Variants in KCNC2 observed in about 807,000 individuals in gnomAD.
KCNC2 encodes the protein voltage-gated potassium channel KCNC2.
In KCNC2, 21 loss-of-function variants were observed where a neutral mutation model predicts 44.5. That is an observed-to-expected ratio of 0.47 (90% confidence interval 0.33 to 0.68). The LOEUF (loss-of-function observed/expected upper bound fraction) is 0.68. Ranked by LOEUF, KCNC2 falls within the 30% of genes least tolerant of loss-of-function variation. The probability of loss-of-function intolerance (pLI) is 0.01; values close to 1 mark genes in which losing one functional copy is unlikely to be tolerated. For synonymous variants in KCNC2, 391 were observed against 339.1 expected, an observed-to-expected ratio of 1.15 and a Z score of -1.68; for missense variants, 589 against 826.2, an observed-to-expected ratio of 0.71 and a Z score of 3.52.
intron 2 of KCNC2, among the ~76,000 whole-genome samples, chr12:75,055,296 A>G (rs1041215835): frequency 1.2e-4 from 18 of 148,796 alleles, no homozygotes; most frequent in African/African-American, 4.0e-4. Flanking sequence ...TAAGTAATAT[A>G]AATCAAACAA....
chr12:75,140,507 T>C (rs978653826), intron 2 of KCNC2, among the ~76,000 whole-genome samples: 3 of 152,182 alleles, frequency 2.0e-5, no homozygotes, highest in Non-Finnish European at 2.9e-5. Flanking sequence ...AGTTGATCAA[T>C]GTCTTCCCTC....
intron 2 of KCNC2, among the ~76,000 whole-genome samples, chr12:75,190,417 T>C (rs2030084624): frequency 6.6e-6 from 1 of 152,190 alleles, no homozygotes; most frequent in Non-Finnish European, 1.5e-5. Context: ...CAGGAGGTGA[T>C]GCTAACAATC....
intron 2 of KCNC2, among the ~76,000 whole-genome samples, chr12:75,198,781 T>C (rs573671609): frequency 6.6e-6 from 1 of 151,930 alleles, no homozygotes; most frequent in Admixed American, 6.6e-5. Flanking sequence ...ATTCTATAAT[T>C]TGCAAGCATA....
At chr12:75,130,024 T>A (rs979392305) in intron 2 of KCNC2, among the ~76,000 whole-genome samples, 1 of 152,198 alleles carries the variant, frequency 6.6e-6, no homozygotes, top group African/African-American at 2.4e-5. Context: ...ATAGTTCTTT[T>A]TCTGTTTACC....
At chr12:75,135,441 C>T (rs759383870) in intron 2 of KCNC2, among the ~76,000 whole-genome samples, 5 of 151,844 alleles carry the variant, frequency 3.3e-5, no homozygotes, top group Non-Finnish European at 7.4e-5. Flanking sequence ...ATTAATGATG[C>T]CCTTAAATTA....
chr12:75,150,724 T>C (rs1049389273), intron 2 of KCNC2, among the ~76,000 whole-genome samples: 1 of 151,946 alleles, frequency 6.6e-6, no homozygotes, highest in Non-Finnish European at 1.5e-5. Flanking sequence ...CAAGATTTTA[T>C]AGTTACATTT....
At chr12:75,072,362 A>G (rs1230087188) in intron 2 of KCNC2, among the ~76,000 whole-genome samples, 3 of 152,188 alleles carry the variant, frequency 2.0e-5, no homozygotes, top group African/African-American at 4.8e-5. Flanking sequence ...AATACAGGTT[A>G]TTCAAACTGT....
Position 75,041,134 on chromosome 12 carries a change from T to C in KCNC2, c.*1971A>G, listed in dbSNP as rs199820365. 57 of 1,596,632 alleles carry C rather than the reference T, an allele frequency of 3.6e-5. No individual in the cohort carries two copies. The highest frequency in any genetic ancestry group is 4.8e-5 in the Non-Finnish European group (56 of 1,178,752). On this transcript the variant is annotated 3_prime_UTR_variant, in exon 5 of 5. Coordinates refer to ENST00000549446, the MANE Select transcript of KCNC2 (RefSeq NM_139137.4). ...CAGCAGCAGAAGTCTGTTTCCAGTA[T>C]AGTCCTTGGTATGGCTAAATTCCAC...
At chr12:75,158,247 C>T (rs1890889726) in intron 2 of KCNC2, among the ~76,000 whole-genome samples, 1 of 151,706 alleles carries the variant, frequency 6.6e-6, no homozygotes, top group South Asian at 2.1e-4. Flanking sequence ...CTTCATAAGC[C>T]AAAAAATGTT....
At chr12:75,164,274 C>G (rs1891307880) in intron 2 of KCNC2, among the ~76,000 whole-genome samples, 1 of 151,626 alleles carries the variant, frequency 6.6e-6, no homozygotes, top group South Asian at 2.1e-4. Context: ...CATGTTCACT[C>G]TGCCAGCCTA....
At chr12:75,192,083 C>T (rs1180615644) in intron 2 of KCNC2, among the ~76,000 whole-genome samples, 6 of 152,128 alleles carry the variant, frequency 3.9e-5, no homozygotes, top group Admixed American at 3.9e-4. Flanking sequence ...ATAGTCTTTA[C>T]AGCATTTGTT....
At chr12:75,182,293 G>T (rs546299454) in intron 2 of KCNC2, among the ~76,000 whole-genome samples, 68 of 151,848 alleles carry the variant, frequency 4.5e-4, no homozygotes, top group African/African-American at 1.6e-3. Flanking sequence ...GGGAGGCCGA[G>T]GGGGGCAGAT....
chr12:75,040,897 G>T lies in KCNC2; in HGVS notation c.*2208C>A, dbSNP rs192778671. ...TTCAGAGATGTTGATCATGAATTTG[G>T]CTTCTTTTGATGAGAAATGGCCAAG... On this transcript the variant is annotated 3_prime_UTR_variant, in exon 5 of 5. Coordinates refer to ENST00000549446, the MANE Select transcript of KCNC2 (RefSeq NM_139137.4). 10 of 535,022 alleles carry T rather than the reference G, an allele frequency of 1.9e-5. No individual in the cohort carries two copies. In the Admixed American group the frequency reaches 2.8e-4, roughly 15 times the overall value. 33.1% of individuals were successfully genotyped at this position (535,022 alleles called of 1,614,324 possible). A position where few individuals can be genotyped will look rare whatever the true frequency, so the allele number is the denominator to read the frequency against.
intron 2 of KCNC2, among the ~76,000 whole-genome samples, chr12:75,145,078 G>T (rs1187521042): frequency 6.6e-6 from 1 of 152,156 alleles, no homozygotes; most frequent in South Asian, 2.1e-4. Context: ...GAGCCAGAAG[G>T]CTAAAGCCTT....
intron 2 of KCNC2, among the ~76,000 whole-genome samples, chr12:75,166,550 T>G (rs1423538096): frequency 2.0e-5 from 3 of 151,196 alleles, no homozygotes; most frequent in Non-Finnish European, 3.0e-5. Context: ...CCAGGTTATA[T>G]CATATGGTAG....
intron 2 of KCNC2, among the ~76,000 whole-genome samples, chr12:75,184,482 T>C (rs1432887893): frequency 1.3e-5 from 2 of 152,098 alleles, no homozygotes; most frequent in Non-Finnish European, 2.9e-5. Flanking sequence ...CTGTGTGAAG[T>C]TGATTTATAT....
At chr12:75,074,296 C>A (rs567672394) in intron 2 of KCNC2, among the ~76,000 whole-genome samples, 1 of 135,846 alleles carries the variant, frequency 7.4e-6, no homozygotes. Context: ...CTGCAAAACT[C>A]ACCAGTGGCC....
chr12:75,086,364 A>G (rs1372938744), intron 2 of KCNC2, among the ~76,000 whole-genome samples: 2 of 152,114 alleles, frequency 1.3e-5, no homozygotes, highest in African/African-American at 4.8e-5. Context: ...AGTTTTGGCT[A>G]AGGTGCAAGA....
intron 3 of KCNC2, among the ~76,000 whole-genome samples, chr12:75,049,176 G>T (rs937319088): frequency 3.9e-5 from 6 of 152,080 alleles, no homozygotes; most frequent in Non-Finnish European, 5.9e-5. Flanking sequence ...GACTGTGAAT[G>T]AAACTTACAA....
Sources: gnomAD v4.1 joint callset for allele counts (sites outside exome capture counted in the v4.1 genomes callset) on GRCh38, gnomAD v4.1.1 for gene constraint, MANE v1.5 for transcripts, NCBI Gene and HGNC (gene_info 2026-07-23, HGNC 2026-07-21) for gene names.